Variants in STPG2 observed in about 807,000 individuals in gnomAD.
STPG2 encodes the protein sperm-tail PG-rich repeat-containing protein 2.
A neutral mutation model predicts 54.2 loss-of-function variants in STPG2; 56 were observed. The ratio of observed to expected loss-of-function variants is 1.03; its 90% CI spans 0.83 to 1.29. The LOEUF is 1.29. Ranked by LOEUF, STPG2 falls within the 50% of genes most tolerant of loss-of-function variation. The probability of loss-of-function intolerance (pLI) is 0.00; values close to 1 mark genes in which losing one functional copy is unlikely to be tolerated. For missense variants in STPG2, 596 were observed against 544.9 expected (o/e 1.09, Z -0.93); for synonymous variants, 200 against 181.8 (o/e 1.10, Z -0.81).
intron 10 of STPG2, among the ~76,000 whole-genome samples, chr4:97,672,414 G>T (rs1351171856): frequency 6.6e-6 from 1 of 151,964 alleles, no homozygotes; most frequent in Non-Finnish European, 1.5e-5. Flanking sequence ...CCAAACTCAG[G>T]TGATCTGCCC....
chr4:97,789,097 A>C (rs1726915518), intron 9 of STPG2, among the ~76,000 whole-genome samples: 1 of 152,018 alleles, frequency 6.6e-6, no homozygotes, highest in Non-Finnish European at 1.5e-5. Context: ...AGACAGACCC[A>C]GGTTCCAAGC....
At chr4:97,568,404 T>A (rs544150136) in intron 10 of STPG2, among the ~76,000 whole-genome samples, 1 of 152,152 alleles carries the variant, frequency 6.6e-6, no homozygotes, top group South Asian at 2.1e-4. Context: ...GTTATGAGTA[T>A]GTAATAGTGG....
intron 4 of STPG2, among the ~76,000 whole-genome samples, chr4:97,465,020 G>T (rs747696954): frequency 6.6e-6 from 1 of 152,116 alleles, no homozygotes. Context: ...ACTTCATAAT[G>T]GTTACTCTTC....
intron 8 of STPG2, among the ~76,000 whole-genome samples, chr4:97,850,299 A>AAAATAAAATAAAT (rs1729111646): frequency 9.4e-6 from 1 of 106,896 alleles, no homozygotes; most frequent in South Asian, 3.4e-4. Flanking sequence ...GAGGGAAAGA[A>AAAATAAAATAAAT]AAATAAATAA....
chr4:97,609,568 C>G (rs76271126), intron 10 of STPG2, among the ~76,000 whole-genome samples: 2,622 of 152,026 alleles, frequency 0.017, 66 homozygotes, highest in African/African-American at 0.059. Flanking sequence ...AAAAGAACCA[C>G]AGTTCACAGA....
At chr4:97,679,224 T>C (rs1164855464) in intron 10 of STPG2, among the ~76,000 whole-genome samples, 1 of 152,254 alleles carries the variant, frequency 6.6e-6, no homozygotes, top group Non-Finnish European at 1.5e-5. Flanking sequence ...ATGGTTGAAC[T>C]ACTTTACAGT....
At chr4:98,115,061 T>C (rs1401917139) in intron 3 of STPG2, among the ~76,000 whole-genome samples, 1 of 151,980 alleles carries the variant, frequency 6.6e-6, no homozygotes, top group Non-Finnish European at 1.5e-5. Context: ...AAACTCAGCA[T>C]GGAACTGCAT....
intron 4 of STPG2, among the ~76,000 whole-genome samples, chr4:97,552,903 T>C (rs1731996728): frequency 6.6e-6 from 1 of 152,198 alleles, no homozygotes; most frequent in Non-Finnish European, 1.5e-5. Flanking sequence ...CCCTGAGTCC[T>C]GAGAAAGATC....
intron 9 of STPG2, among the ~76,000 whole-genome samples, chr4:97,821,206 G>A (rs1347041600): frequency 1.3e-5 from 2 of 152,106 alleles, no homozygotes; most frequent in Non-Finnish European, 2.9e-5. Context: ...CTGGCCAGAA[G>A]AAAAGGGCTC....
In STPG2 at chr4:97,576,635, T is replaced by TA. The variant is rs1322474511; in HGVS notation, c.1321-17519dup. The stretch of plus-strand genomic sequence containing the variant: ...GACTTAAATTAAAGACCTAAAACTA[T>TA]AAAAAATCCTAGAAGAAAACTTAGA... On this transcript the variant is annotated intron_variant, in intron 10 of 10. Coordinates refer to ENST00000295268, the MANE Select transcript of STPG2 (RefSeq NM_174952.3). Among the ~76,000 whole-genome samples, 8 of 152,120 alleles carry TA rather than the reference T, an allele frequency of 5.3e-5. No homozygotes were observed. In the South Asian group the frequency reaches 1.5e-3, roughly 28 times the overall value.
intron 10 of STPG2, among the ~76,000 whole-genome samples, chr4:97,580,234 G>C (rs1035796463): frequency 6.6e-6 from 1 of 151,850 alleles, no homozygotes; most frequent in Non-Finnish European, 1.5e-5. Context: ...ATAAGACAGC[G>C]TTAACTCACT....
intron 5 of STPG2, among the ~76,000 whole-genome samples, chr4:97,998,272 C>T (rs1281297327): frequency 6.6e-6 from 1 of 152,062 alleles, no homozygotes; most frequent in African/African-American, 2.4e-5. Context: ...GCATATGTTC[C>T]ACATTTGCAC....
At chr4:97,599,215 A>T (rs1733388853) in intron 10 of STPG2, among the ~76,000 whole-genome samples, 1 of 152,242 alleles carries the variant, frequency 6.6e-6, no homozygotes, top group African/African-American at 2.4e-5. Flanking sequence ...CACCAGTCAG[A>T]GTGACTATTA....
rs70953079 is a variant in STPG2, at chr4:97,672,166, C to CTTTT, written c.1320+40529_1320+40532dup. Among the ~76,000 whole-genome samples the CTTTT allele has an allele frequency of 2.3e-3, 189 of 80,692 alleles. 3 individuals carry two copies. Among genetic ancestry groups the CTTTT allele is most frequent in the African/African-American group, 2.7e-3 (57 of 21,472 alleles). 52.9% of individuals were successfully genotyped at this position (80,692 alleles called of 152,430 possible). A position where few individuals can be genotyped will look rare whatever the true frequency, so the allele number is the denominator to read the frequency against. On this transcript the variant is annotated intron_variant, in intron 10 of 10. Transcript: ENST00000295268. ...AAATTTTTCACATAAACTGGTAATT[C>CTTTT]TTTTTTTTTTTTTTTTTTTTTTTTG...
At chr4:98,017,207 C>T (rs544151769) in intron 5 of STPG2, among the ~76,000 whole-genome samples, 24 of 152,312 alleles carry the variant, frequency 1.6e-4, no homozygotes, top group Non-Finnish European at 2.6e-4. Flanking sequence ...CTGCAAGTAC[C>T]GGCTTTTTGC....
intron 9 of STPG2, among the ~76,000 whole-genome samples, chr4:97,801,444 C>A (rs1727393546): frequency 6.6e-6 from 1 of 152,166 alleles, no homozygotes; most frequent in Admixed American, 6.6e-5. Flanking sequence ...ACTATCACAT[C>A]ATTCTCAAAA....
intron 9 of STPG2, among the ~76,000 whole-genome samples, chr4:97,789,015 T>C (rs1314262906): frequency 1.3e-5 from 2 of 152,004 alleles, no homozygotes; most frequent in African/African-American, 2.4e-5. Context: ...TTTTTTTTTC[T>C]TTTCTAATAC....
At chr4:97,781,834 C>T (rs1367962453) in intron 9 of STPG2, among the ~76,000 whole-genome samples, 1 of 152,140 alleles carries the variant, frequency 6.6e-6, no homozygotes, top group African/African-American at 2.4e-5. Context: ...AAAAAAACCA[C>T]AGGATTATCT....
In STPG2 at chr4:97,707,993, G is replaced by A. The variant is rs114470221; in HGVS notation, c.1320+4706C>T. Among the ~76,000 whole-genome samples, 60 of 152,132 alleles carry A rather than the reference G, an allele frequency of 3.9e-4. 1 individual carries two copies. The highest frequency in any genetic ancestry group is 1.4e-3 in the African/African-American group (57 of 41,526). ...ATAAGTTGGTAACCATTACTATACA[G>A]CAAATGAGTGGTTATGTTGAAATTC... On this transcript the variant is annotated intron_variant, in intron 10 of 10. Coordinates refer to ENST00000295268, the MANE Select transcript of STPG2 (RefSeq NM_174952.3).
Sources: allele counts gnomAD v4.1 joint callset (sites outside exome capture counted in the v4.1 genomes callset), GRCh38; gene constraint gnomAD v4.1.1; transcripts MANE v1.5; gene names NCBI Gene and HGNC (gene_info 2026-07-23, HGNC 2026-07-21).